SCAPER: variants seen among roughly 807,000 people sequenced by gnomAD.
The protein encoded by SCAPER is S phase cyclin A-associated protein in the endoplasmic reticulum.
A neutral mutation model predicts 182.2 loss-of-function variants in SCAPER; 98 were observed. The observed-to-expected ratio is 0.54, with a 90% CI of 0.46 to 0.64. SCAPER has a LOEUF of 0.64. Ranked by LOEUF, SCAPER falls within the 30% of genes least tolerant of loss-of-function variation. The probability of loss-of-function intolerance (pLI) is 0.00; values close to 1 mark genes in which losing one functional copy is unlikely to be tolerated. For missense variants in SCAPER, 1,432 were observed against 1,690.0 expected (o/e 0.85, Z 2.68); for synonymous variants, 605 against 564.6 (o/e 1.07, Z -1.01).
At chr15:76,531,225 C>A (rs1408314889) in intron 23 of SCAPER, among the ~76,000 whole-genome samples, 2 of 152,108 alleles carry the variant, frequency 1.3e-5, no homozygotes, top group Admixed American at 1.3e-4. Context: ...TGAAGTCAAA[C>A]CTGCTACAAG....
intron 25 of SCAPER, among the ~76,000 whole-genome samples, chr15:76,464,575 T>C (rs921836227): frequency 7.9e-5 from 12 of 152,152 alleles, no homozygotes; most frequent in Non-Finnish European, 2.9e-5. Flanking sequence ...TATGCATAAA[T>C]AGACCTATGC....
chr15:76,435,947 A>G (rs2047172261), intron 25 of SCAPER, among the ~76,000 whole-genome samples: 1 of 152,082 alleles, frequency 6.6e-6, no homozygotes, highest in South Asian at 2.1e-4. Flanking sequence ...TCTTTTATTT[A>G]TTGTGTGAAA....
chr15:76,395,899 C>G (rs572685403), intron 27 of SCAPER, among the ~76,000 whole-genome samples: 1 of 152,106 alleles, frequency 6.6e-6, no homozygotes, highest in Non-Finnish European at 1.5e-5. Context: ...TTGCAGGGTA[C>G]TATTCAAGAA....
chr15:76,652,369 CACATATATATAT>C (rs1310628403), intron 21 of SCAPER, among the ~76,000 whole-genome samples: 2 of 13,702 alleles, frequency 1.5e-4, no homozygotes, highest in African/African-American at 3.2e-4. Context: ...CACACACACA[CACATATATATAT>C]ATATATATAT....
intron 22 of SCAPER, among the ~76,000 whole-genome samples, chr15:76,609,457 A>G (rs1234885867): frequency 6.6e-6 from 1 of 152,126 alleles, no homozygotes; most frequent in Non-Finnish European, 1.5e-5. Flanking sequence ...ACTGCACTTC[A>G]GCCTGGGCAA....
At position 76,515,753 on chromosome 15, in the gene SCAPER, A is replaced by G. The variant is rs141634216; in HGVS notation, c.2839-10779T>C. ...CACAAACTAGATTGCGAGGTCTCTA[A>G]CAGCTGGAATTATGTTTATATTGCG... On this transcript the variant is annotated intron_variant, in intron 23 of 31. Coordinates refer to ENST00000563290, the MANE Select transcript of SCAPER (RefSeq NM_020843.4). 2.7e-3 allele frequency among the ~76,000 whole-genome samples: 418 copies of G among 152,332 alleles called. 3 individuals carry two copies. Among genetic ancestry groups the G allele is most frequent in the African/African-American group, 9.6e-3 (398 of 41,570 alleles).
chr15:76,762,804 A>G (rs1415979276), intron 14 of SCAPER, among the ~76,000 whole-genome samples: 1 of 152,080 alleles, frequency 6.6e-6, no homozygotes, highest in Non-Finnish European at 1.5e-5. Flanking sequence ...GCCTACCACC[A>G]TAACTGATAA....
chr15:76,829,480 T>C (rs1288103320), intron 5 of SCAPER, among the ~76,000 whole-genome samples: 1 of 152,216 alleles, frequency 6.6e-6, no homozygotes, highest in Non-Finnish European at 1.5e-5. Context: ...AAGGAGTATT[T>C]GTAAATACTT....
intron 27 of SCAPER, among the ~76,000 whole-genome samples, chr15:76,403,806 G>A (rs542266420): frequency 2.0e-5 from 3 of 152,236 alleles, no homozygotes; most frequent in South Asian, 4.1e-4. Flanking sequence ...TATTATCAAC[G>A]ATTCTTACTT....
chr15:76,592,101 A>T (rs916238222), intron 22 of SCAPER, among the ~76,000 whole-genome samples: 4 of 151,084 alleles, frequency 2.6e-5, no homozygotes, highest in Non-Finnish European at 5.9e-5. Context: ...CTACCTACAG[A>T]TTATATATAT....
intron 20 of SCAPER, among the ~76,000 whole-genome samples, chr15:76,671,144 A>C (rs1186285035): frequency 6.6e-6 from 1 of 151,630 alleles, no homozygotes. Flanking sequence ...GTTCGAGATC[A>C]ACCTGGGCAA....
In SCAPER at chr15:76,632,971, CACCATATT is replaced by C. The variant is rs2053256385; in HGVS notation, c.2646-11150_2646-11143del. Among the ~76,000 whole-genome samples, 3 of 151,902 alleles carry C rather than the reference CACCATATT, an allele frequency of 2.0e-5. No homozygotes were observed. In the South Asian group the frequency reaches 6.2e-4, roughly 32 times the overall value. ...TGTATTTTTAATAGAGACAGGGTTT[CACCATATT>C]GGCCAGGCTGGTCTCGAACTCCTGA... is the stretch of plus-strand genomic sequence containing the variant. On this transcript the variant is annotated intron_variant, in intron 21 of 31. Transcript: ENST00000563290.
intron 26 of SCAPER, 138 bp downstream of exon 26, chr15:76,433,940 G>C (rs2047026379): frequency 1.5e-6 from 1 of 657,748 alleles, no homozygotes; most frequent in Admixed American, 3.0e-5. Context: ...TATTTACAAG[G>C]TATTCTTGGT....
intron 29 of SCAPER, among the ~76,000 whole-genome samples, chr15:76,374,702 G>T (rs2042421346): frequency 6.6e-6 from 1 of 151,596 alleles, no homozygotes; most frequent in Non-Finnish European, 1.5e-5. Flanking sequence ...TATGTGGCTG[G>T]TCTCGAACTC....
chr15:76,736,268 C>CT (rs1185939499), intron 15 of SCAPER, among the ~76,000 whole-genome samples: 1 of 152,210 alleles, frequency 6.6e-6, no homozygotes, highest in African/African-American at 2.4e-5. Context: ...AAGTTATAAT[C>CT]TTTTTTTCTG....
intron 5 of SCAPER, among the ~76,000 whole-genome samples, chr15:76,823,700 T>C (rs1338580872): frequency 6.6e-6 from 1 of 152,006 alleles, no homozygotes; most frequent in Non-Finnish European, 1.5e-5. Flanking sequence ...GAAGTAATCC[T>C]TGGTGCCAAA....
chr15:76,873,327 A>AGGC (rs2072895388), intron 2 of SCAPER, among the ~76,000 whole-genome samples: 18 of 102,942 alleles, frequency 1.7e-4, no homozygotes, highest in South Asian at 7.6e-4. Context: ...GGAAGGAAGG[A>AGGC]AGGAAGGCAG....
At chr15:76,647,378 T>C (rs972201064) in intron 21 of SCAPER, among the ~76,000 whole-genome samples, 2 of 152,216 alleles carry the variant, frequency 1.3e-5, no homozygotes, top group Non-Finnish European at 2.9e-5. Context: ...TTCTTAAATA[T>C]ATGATTTTTT....
Position 76,754,648 on chromosome 15 carries a change from T to C in SCAPER, c.1726-700A>G, listed in dbSNP as rs564773170. Among the ~76,000 whole-genome samples the C allele has an allele frequency of 3.3e-5, 5 of 152,128 alleles. No homozygotes were observed. The South Asian group carries it at 1.0e-3, about 32-fold the overall frequency. On this transcript the variant is annotated intron_variant, in intron 14 of 31. Transcript: ENST00000563290. ...AAGATTCAGCACCAATGAAAATAAA[T>C]TATAGAAAATCAGAAGATGGGTCAA... is the stretch of plus-strand genomic sequence containing the variant.
Sources: gnomAD v4.1 joint callset for allele counts (sites outside exome capture counted in the v4.1 genomes callset) on GRCh38, gnomAD v4.1.1 for gene constraint, MANE v1.5 for transcripts, NCBI Gene and HGNC (gene_info 2026-07-23, HGNC 2026-07-21) for gene names.